Variants in PCSK2 observed in about 807,000 individuals in gnomAD.
PCSK2 encodes the protein neuroendocrine convertase 2.
In PCSK2, 14 loss-of-function variants were observed where a neutral mutation model predicts 69.7. The observed-to-expected ratio is 0.20, with a 90% CI of 0.13 to 0.31. The LOEUF is 0.31. PCSK2 is among the 10% of genes least tolerant of loss of function. The probability of loss-of-function intolerance (pLI) is 1.00; values close to 1 mark genes in which losing one functional copy is unlikely to be tolerated. For synonymous variants in PCSK2, 307 were observed against 320.7 expected, an observed-to-expected ratio of 0.96 and a Z score of 0.46; for missense variants, 544 against 842.5, an observed-to-expected ratio of 0.65 and a Z score of 4.39.
intron 1 of PCSK2, among the ~76,000 whole-genome samples, chr20:17,248,285 A>G (rs1986845209): frequency 6.6e-6 from 1 of 152,088 alleles, no homozygotes; most frequent in South Asian, 2.1e-4. Flanking sequence ...TAGGATACTC[A>G]GGTGAATGTT....
intron 2 of PCSK2, among the ~76,000 whole-genome samples, chr20:17,303,526 ATAT>A (rs1252384955): frequency 2.3e-5 from 1 of 42,678 alleles, no homozygotes; most frequent in African/African-American, 7.5e-5. Flanking sequence ...AATATAATAT[ATAT>A]TATATTATAT....
At chr20:17,274,013 A>C (rs890731848) in intron 2 of PCSK2, among the ~76,000 whole-genome samples, 1 of 152,150 alleles carries the variant, frequency 6.6e-6, no homozygotes, top group Non-Finnish European at 1.5e-5. Context: ...GGCAAAATGA[A>C]TGTCTTAATG....
intron 1 of PCSK2, among the ~76,000 whole-genome samples, chr20:17,234,155 A>G (rs1483281219): frequency 1.3e-5 from 2 of 152,236 alleles, no homozygotes; most frequent in Non-Finnish European, 2.9e-5. Context: ...TAAACCTCGA[A>G]GGCAAACCGA....
At chr20:17,244,599 G>A (rs1592021) in intron 1 of PCSK2, among the ~76,000 whole-genome samples, 130,570 of 152,142 alleles carry the variant, frequency 0.86, 56,238 homozygotes, top group Admixed American at 0.9. Flanking sequence ...CTAGATTTTC[G>A]TTTTACTTCT....
At chr20:17,475,126 A>T (rs2033269700) in intron 11 of PCSK2, among the ~76,000 whole-genome samples, 1 of 151,782 alleles carries the variant, frequency 6.6e-6, no homozygotes, top group Non-Finnish European at 1.5e-5. Context: ...ATGTGGAACC[A>T]GGTATGTGCA....
At chr20:17,308,425 C>G (rs1297989185) in intron 2 of PCSK2, among the ~76,000 whole-genome samples, 1 of 152,102 alleles carries the variant, frequency 6.6e-6, no homozygotes, top group Non-Finnish European at 1.5e-5. Flanking sequence ...GACTTGAATC[C>G]CCCCAAAAAA....
chr20:17,240,482 A>G (rs1351143651), intron 1 of PCSK2, among the ~76,000 whole-genome samples: 1 of 152,178 alleles, frequency 6.6e-6, no homozygotes, highest in African/African-American at 2.4e-5. Context: ...TTCCACTGCC[A>G]GAGAACACCC....
In PCSK2 at chr20:17,366,704, T is replaced by G. The variant is rs191270063; in HGVS notation, c.506-2536T>G. ...TACTTTTTCCGAATCATGTTTGTTGTCCTTCACAGTCGTATCAATCATTCT... is the reference window on the plus strand; with the variant it reads ...TACTTTTTCCGAATCATGTTTGTTGGCCTTCACAGTCGTATCAATCATTCT... On this transcript the variant is annotated intron_variant, in intron 4 of 11. Transcript: ENST00000262545. Among the ~76,000 whole-genome samples, 230 of 152,364 alleles carry G rather than the reference T, an allele frequency of 1.5e-3. 1 individual carries two copies. The highest frequency in any genetic ancestry group is 3.0e-3 in the Non-Finnish European group (202 of 68,030).
At chr20:17,268,062 T>TAAAA (rs1555783175) in intron 2 of PCSK2, among the ~76,000 whole-genome samples, 1 of 146,684 alleles carries the variant, frequency 6.8e-6, no homozygotes, top group African/African-American at 2.5e-5. Flanking sequence ...TATATATATA[T>TAAAA]AATGCATTTA....
chr20:17,355,252 TGTGA>T (rs1204460744), intron 2 of PCSK2, among the ~76,000 whole-genome samples: 1 of 152,198 alleles, frequency 6.6e-6, no homozygotes, highest in African/African-American at 2.4e-5. Flanking sequence ...TGAAATCTGA[TGTGA>T]GTATTTTTGT....
intron 2 of PCSK2, among the ~76,000 whole-genome samples, chr20:17,280,667 A>G (rs967490344): frequency 6.6e-6 from 1 of 152,242 alleles, no homozygotes; most frequent in Non-Finnish European, 1.5e-5. Flanking sequence ...CCTAAGACAA[A>G]TAGAAGATTC....
At chr20:17,437,995 C>G in intron 8 of PCSK2, among the ~76,000 whole-genome samples, 1 of 151,398 alleles carries the variant, frequency 6.6e-6, no homozygotes, top group East Asian at 1.9e-4. Context: ...TCCCCCCCAC[C>G]CACACCGTGC....
At chr20:17,389,117 C>T (rs778489280) in intron 5 of PCSK2, among the ~76,000 whole-genome samples, 7 of 150,860 alleles carry the variant, frequency 4.6e-5, no homozygotes, top group Non-Finnish European at 7.4e-5. Flanking sequence ...TTAACTGATT[C>T]ACTATTTTAA....
chr20:17,316,007 G>A (rs1989677489), intron 2 of PCSK2, among the ~76,000 whole-genome samples: 1 of 152,160 alleles, frequency 6.6e-6, no homozygotes, highest in Non-Finnish European at 1.5e-5. Context: ...GAGCGAGTGC[G>A]CCACAGAGAT....
At chr20:17,276,058 T>A (rs1308493449) in intron 2 of PCSK2, among the ~76,000 whole-genome samples, 1 of 152,128 alleles carries the variant, frequency 6.6e-6, no homozygotes, top group Non-Finnish European at 1.5e-5. Flanking sequence ...TAATATTTTG[T>A]TCTCTAGCAT....
intron 2 of PCSK2, among the ~76,000 whole-genome samples, chr20:17,351,645 ATG>A (rs2029990441): frequency 6.8e-6 from 1 of 146,694 alleles, no homozygotes; most frequent in Non-Finnish European, 1.5e-5. Flanking sequence ...AAAATCCATC[ATG>A]CCTTCAAGAA....
chr20:17,233,874 C>A (rs1986234830), intron 1 of PCSK2, among the ~76,000 whole-genome samples: 1 of 152,146 alleles, frequency 6.6e-6, no homozygotes, highest in South Asian at 2.1e-4. Context: ...TTCTTCCATG[C>A]CTGATGCATA....
chr20:17,324,675 C>A (rs1424216293), intron 2 of PCSK2, among the ~76,000 whole-genome samples: 1 of 152,126 alleles, frequency 6.6e-6, no homozygotes, highest in Non-Finnish European at 1.5e-5. Flanking sequence ...CAGTAGCCCC[C>A]ATGGAACTCT....
chr20:17,471,794 T>C (rs2033206495), intron 11 of PCSK2, among the ~76,000 whole-genome samples: 1 of 152,252 alleles, frequency 6.6e-6, no homozygotes, highest in Non-Finnish European at 1.5e-5. Flanking sequence ...CAGGGCTGGC[T>C]GTGCCGCTTG....
Sources: allele counts gnomAD v4.1 joint callset (sites outside exome capture counted in the v4.1 genomes callset), GRCh38; gene constraint gnomAD v4.1.1; transcripts MANE v1.5; gene names NCBI Gene and HGNC (gene_info 2026-07-23, HGNC 2026-07-21).